Variants in CAMKMT observed in about 807,000 individuals in gnomAD.
The protein encoded by CAMKMT is calmodulin-lysine N-methyltransferase.
A neutral mutation model predicts 48.0 loss-of-function variants in CAMKMT; 53 were observed. The ratio of observed to expected loss-of-function variants is 1.10; its 90% CI spans 0.89 to 1.39. CAMKMT has a LOEUF of 1.39. Ranked by LOEUF, CAMKMT falls within the 40% of genes most tolerant of loss-of-function variation. The pLI is 0.00. For synonymous variants in CAMKMT, 165 were observed against 152.3 expected (o/e 1.08, Z -0.61); for missense variants, 428 against 402.7 (o/e 1.06, Z -0.54).
intron 7 of CAMKMT, among the ~76,000 whole-genome samples, chr2:44,735,194 G>A (rs1391979361): frequency 1.3e-5 from 2 of 152,134 alleles, no homozygotes; most frequent in Non-Finnish European, 2.9e-5. Context: ...GTGTTGCTTG[G>A]TATAGCTTTG....
intron 3 of CAMKMT, among the ~76,000 whole-genome samples, chr2:44,588,722 A>G (rs1572865747): frequency 5.6e-5 from 2 of 35,502 alleles, no homozygotes; most frequent in Admixed American, 3.1e-4. Context: ...CCGCCTGGCC[A>G]GCCGCCCCGT....
chr2:44,767,185 G>A (rs983137523), intron 10 of CAMKMT, among the ~76,000 whole-genome samples: 10 of 152,218 alleles, frequency 6.6e-5, no homozygotes, highest in African/African-American at 2.4e-4. Context: ...ATAGGACACT[G>A]AGAGGCGAGT....
chr2:44,740,124 AT>A (rs753300790), intron 7 of CAMKMT, among the ~76,000 whole-genome samples: 15,551 of 120,156 alleles, frequency 0.13, 760 homozygotes, highest in Middle Eastern at 0.2. Flanking sequence ...TGATTGCTGC[AT>A]TTTTTTTTTT....
chr2:44,754,735 T>G (rs576709809), intron 9 of CAMKMT, among the ~76,000 whole-genome samples: 2 of 152,292 alleles, frequency 1.3e-5, no homozygotes, highest in Non-Finnish European at 2.9e-5. Flanking sequence ...TTACAGAGTT[T>G]GTATCCACTC....
intron 3 of CAMKMT, among the ~76,000 whole-genome samples, chr2:44,609,672 A>G (rs1671491053): frequency 6.6e-6 from 1 of 152,206 alleles, no homozygotes; most frequent in Non-Finnish European, 1.5e-5. Context: ...GATTTCTGAA[A>G]TTACAAACTT....
chr2:44,598,871 C>G (rs1670823115), intron 3 of CAMKMT, among the ~76,000 whole-genome samples: 1 of 151,046 alleles, frequency 6.6e-6, no homozygotes, highest in Non-Finnish European at 1.5e-5. Flanking sequence ...GTACATATAC[C>G]AAACCTCATA....
At chr2:44,680,511 G>A (rs139959714) in intron 3 of CAMKMT, among the ~76,000 whole-genome samples, 24 of 152,264 alleles carry the variant, frequency 1.6e-4, no homozygotes, top group South Asian at 4.2e-4. Context: ...GGGAAGTGCC[G>A]GCCAGCTCAG....
rs571523773 is a variant in CAMKMT at position 44,497,773 on chromosome 2, C to A, written c.376+107468C>A. ...AGTATATGAAGGGCTATAGGCAGCC[C>A]CAGAAGAGCAAGAAAGGCAAAGACC... On this transcript the variant is annotated intron_variant, in intron 3 of 10. Coordinates refer to ENST00000378494, the MANE Select transcript of CAMKMT (RefSeq NM_024766.5). Among the ~76,000 whole-genome samples, 3 of 148,654 alleles carry A rather than the reference C, an allele frequency of 2.0e-5. No homozygotes were observed. The Admixed American group carries it at 2.1e-4, about 10-fold the overall frequency.
chr2:44,422,579 C>A (rs997854746), intron 3 of CAMKMT, among the ~76,000 whole-genome samples: 1 of 152,154 alleles, frequency 6.6e-6, no homozygotes, highest in Non-Finnish European at 1.5e-5. Context: ...GCTACTTCTG[C>A]TGTTGCTGCT....
At chr2:44,515,171 A>G (rs528474168) in intron 3 of CAMKMT, among the ~76,000 whole-genome samples, 4 of 152,348 alleles carry the variant, frequency 2.6e-5, no homozygotes, top group African/African-American at 7.2e-5. Flanking sequence ...TTTACCTAGA[A>G]GTAACTGGAG....
Position 44,372,877 on chromosome 2 carries a change from T to A in CAMKMT, c.300T>A (p.Ser100Arg). Residue 100 changes from serine to arginine, a missense_variant, in exon 2 of 11, where the codon AGT becomes AGA. Physicochemically the swap from Ser to Arg is moderately radical, Grantham distance 110 (BLOSUM62 -1). Coordinates refer to ENST00000378494, the MANE Select transcript of CAMKMT (RefSeq NM_024766.5). Reference sequence around the variant, plus strand: ...CAAGCATCTTCTGTCCTGAATACAGTATCTCCTTAAGGTAACCATTATTCT... The same window carrying A: ...CAAGCATCTTCTGTCCTGAATACAGAATCTCCTTAAGGTAACCATTATTCT... ...QYTSIFCPEYSISLRHNSGSL... is the reference protein window; with the variant it reads ...QYTSIFCPEYRISLRHNSGSL... The A allele has an allele frequency of 6.2e-7, 1 of 1,612,982 alleles. No homozygotes were observed. The highest frequency in any genetic ancestry group is 1.1e-5 in the South Asian group (1 of 90,874).
At chr2:44,518,490 A>G (rs1334315977) in intron 3 of CAMKMT, among the ~76,000 whole-genome samples, 1 of 152,250 alleles carries the variant, frequency 6.6e-6, no homozygotes, top group Non-Finnish European at 1.5e-5. Flanking sequence ...AATAGAACAC[A>G]TGAATCTACT....
chr2:44,661,993 A>G (rs1674703737), intron 3 of CAMKMT, among the ~76,000 whole-genome samples: 1 of 152,230 alleles, frequency 6.6e-6, no homozygotes, highest in Non-Finnish European at 1.5e-5. Context: ...TAGCTTGCCC[A>G]TATGAGTCTA....
chr2:44,697,051 G>A (rs1676995295), intron 3 of CAMKMT, among the ~76,000 whole-genome samples: 1 of 152,100 alleles, frequency 6.6e-6, no homozygotes, highest in Non-Finnish European at 1.5e-5. Context: ...ATGAGTTCAG[G>A]AGATTCAACA....
intron 3 of CAMKMT, among the ~76,000 whole-genome samples, chr2:44,602,055 G>C (rs987479610): frequency 2.0e-5 from 3 of 151,872 alleles, no homozygotes; most frequent in Non-Finnish European, 4.4e-5. Flanking sequence ...ACCCAGGCTG[G>C]AGTGTAGTGG....
At chr2:44,368,444 T>A (rs961449449) in intron 1 of CAMKMT, among the ~76,000 whole-genome samples, 5 of 152,248 alleles carry the variant, frequency 3.3e-5, no homozygotes, top group Non-Finnish European at 5.9e-5. Flanking sequence ...ATGGATTATA[T>A]AAATGTCTTA....
intron 3 of CAMKMT, among the ~76,000 whole-genome samples, chr2:44,578,192 G>C (rs4953109): frequency 0.63 from 95,627 of 151,990 alleles, 30,573 homozygotes; most frequent in Admixed American, 0.69. Flanking sequence ...AGGAATAATG[G>C]TTGAGGGTAA....
chr2:44,673,628 A>G (rs1248935710), intron 3 of CAMKMT, among the ~76,000 whole-genome samples: 1 of 152,116 alleles, frequency 6.6e-6, no homozygotes, highest in African/African-American at 2.4e-5. Flanking sequence ...TGGTGGCGGT[A>G]GCTATCTAAA....
intron 1 of CAMKMT, among the ~76,000 whole-genome samples, chr2:44,362,648 C>T (rs1227898556): frequency 6.6e-6 from 1 of 152,150 alleles, no homozygotes; most frequent in Non-Finnish European, 1.5e-5. Context: ...TTCCGTACAG[C>T]GGAGCGTGCA....
Sources: allele counts gnomAD v4.1 joint callset (sites outside exome capture counted in the v4.1 genomes callset), GRCh38; gene constraint gnomAD v4.1.1; transcripts MANE v1.5; gene names NCBI Gene and HGNC (gene_info 2026-07-23, HGNC 2026-07-21).